The following LIN28B variants were observed in gnomAD, a reference collection of about 807,000 sequenced individuals.
LIN28B encodes the protein protein lin-28 homolog B.
A neutral mutation model predicts 21.9 loss-of-function variants in LIN28B; 5 were observed. That is an observed-to-expected ratio of 0.23 (90% CI 0.12 to 0.48). The LOEUF (loss-of-function observed/expected upper bound fraction) is 0.48, where lower values mean the gene tolerates loss of function less well. Ranked by LOEUF, LIN28B falls within the 20% of genes least tolerant of loss-of-function variation. LIN28B has a pLI of 0.98. For missense variants in LIN28B, 245 were observed against 310.5 expected (o/e 0.79, Z 1.58); for synonymous variants, 109 against 111.3 (o/e 0.98, Z 0.13).
At chr6:105,068,249 A>G (rs1231732882) in intron 3 of LIN28B, among the ~76,000 whole-genome samples, 1 of 152,204 alleles carries the variant, frequency 6.6e-6, no homozygotes, top group Non-Finnish European at 1.5e-5. Flanking sequence ...CATACCTTTC[A>G]TTGGCATCTA....
Position 104,957,117 on chromosome 6 carries a change from A to G in LIN28B, c.-134A>G, listed in dbSNP as rs1778300716. 1.3e-6 allele frequency: 2 copies of G among 1,586,432 alleles called. No individual in the cohort carries two copies. Among genetic ancestry groups the G allele is most frequent in the East Asian group, 2.3e-5 (1 of 43,606 alleles). On this transcript the variant is annotated 5_prime_UTR_variant, in exon 1 of 4. Coordinates refer to ENST00000345080, the MANE Select transcript of LIN28B (RefSeq NM_001004317.4). ...AGGAGAGAAAAAAATCAAAAGAAGG[A>G]AAGCACATTAGACCATGCGAGCTAA...
chr6:104,966,898 G>A (rs1479706966), intron 2 of LIN28B, among the ~76,000 whole-genome samples: 4 of 152,120 alleles, frequency 2.6e-5, no homozygotes, highest in African/African-American at 9.7e-5. Context: ...TGGGATTACA[G>A]GCGTGAGCCA....
At chr6:104,961,187 TATTTTTA>T in intron 2 of LIN28B, among the ~76,000 whole-genome samples, 1 of 152,330 alleles carries the variant, frequency 6.6e-6, no homozygotes, top group African/African-American at 2.4e-5. Context: ...ATGAATATTT[TATTTTTA>T]AAAAATTAAC....
At chr6:105,011,982 A>AC (rs1435531857) in intron 2 of LIN28B, among the ~76,000 whole-genome samples, 2 of 152,016 alleles carry the variant, frequency 1.3e-5, no homozygotes, top group Non-Finnish European at 2.9e-5. Flanking sequence ...ACATGGTGAA[A>AC]CCCCATCTCT....
chr6:105,009,520 T>C (rs1770880800), intron 2 of LIN28B, among the ~76,000 whole-genome samples: 1 of 152,150 alleles, frequency 6.6e-6, no homozygotes, highest in Non-Finnish European at 1.5e-5. Context: ...ATTTTCCTAT[T>C]ACCTGTACAG....
At chr6:105,071,746 G>A (rs1772338031) in intron 3 of LIN28B, among the ~76,000 whole-genome samples, 1 of 152,106 alleles carries the variant, frequency 6.6e-6, no homozygotes, top group Non-Finnish European at 1.5e-5. Context: ...ACTGCAGTGT[G>A]ATTTAATGGG....
chr6:105,064,642 T>G (rs1395187714), intron 3 of LIN28B, among the ~76,000 whole-genome samples: 1 of 152,208 alleles, frequency 6.6e-6, no homozygotes, highest in Non-Finnish European at 1.5e-5. Flanking sequence ...CTATTGTATT[T>G]TTAAATGTTT....
rs1363456262 is a variant in LIN28B at position 105,078,950 on chromosome 6, G to A, written c.*167G>A. ...ATCACTCTAAGCAAATTACATTTGA[G>A]CAGGGTGTCATGTTTTATGTTAATT... On this transcript the variant is annotated 3_prime_UTR_variant, in exon 4 of 4. Coordinates refer to ENST00000345080, the MANE Select transcript of LIN28B (RefSeq NM_001004317.4). 1.2e-5 allele frequency: 8 copies of A among 690,220 alleles called. No homozygotes were observed. Among genetic ancestry groups the A allele is most frequent in the Non-Finnish European group, 1.9e-5 (8 of 422,000 alleles). 42.8% of individuals were successfully genotyped at this position (690,220 alleles called of 1,614,324 possible). A position where few individuals can be genotyped will look rare whatever the true frequency, so the allele number is the denominator to read the frequency against.
chr6:104,942,565 G>A (rs962750229), intron 2 of LIN28B, among the ~76,000 whole-genome samples: 16 of 151,974 alleles, frequency 1.1e-4, no homozygotes, highest in African/African-American at 3.9e-4. Flanking sequence ...TTTTATAGAG[G>A]AGTCATATGA....
chr6:105,024,912 C>G (rs944194167), intron 2 of LIN28B, among the ~76,000 whole-genome samples: 1 of 152,074 alleles, frequency 6.6e-6, no homozygotes, highest in African/African-American at 2.4e-5. Context: ...GCTCTGGGAT[C>G]AATTAGGTCA....
chr6:104,949,078 A>T (rs1020578389), intron 2 of LIN28B, among the ~76,000 whole-genome samples: 20 of 152,040 alleles, frequency 1.3e-4, no homozygotes, highest in African/African-American at 3.4e-4. Context: ...GTATTTACAC[A>T]TCTTTAAAAT....
chr6:104,957,360 T>A, intron 1 of LIN28B, 100 bp downstream of exon 1: 1 of 574,252 alleles, frequency 1.7e-6, no homozygotes, highest in Non-Finnish European at 2.8e-6. Context: ...CCCTTCCCCT[T>A]TTACCCCAAT....
At chr6:105,026,202 G>C (rs1430482431) in intron 2 of LIN28B, 96 bp from the exon 3 acceptor site, 4 of 621,542 alleles carry the variant, frequency 6.4e-6, no homozygotes, top group African/African-American at 5.7e-5. Flanking sequence ...ATGCATGACA[G>C]AGTATCTTTC....
At position 105,079,060 on chromosome 6, in the gene LIN28B, A is replaced by C. The variant is rs905023234; in HGVS notation, c.*277A>C. The stretch of plus-strand genomic sequence containing the variant: ...TCTGTGTGTGTACATGAGGATTTTT[A>C]TATAGGAATGTAGACACATATATAA... On this transcript the variant is annotated 3_prime_UTR_variant, in exon 4 of 4. Coordinates refer to ENST00000345080, the MANE Select transcript of LIN28B (RefSeq NM_001004317.4). The C allele has an allele frequency of 9.0e-6, 3 of 334,402 alleles. No individual in the cohort carries two copies. Among genetic ancestry groups the C allele is most frequent in the Admixed American group, 4.4e-5 (1 of 22,836 alleles). The allele number at this position is 334,402 out of a possible 1,614,324, so 20.7% of individuals were successfully genotyped here.
intron 2 of LIN28B, among the ~76,000 whole-genome samples, chr6:104,964,303 C>T (rs1336169223): frequency 1.3e-5 from 2 of 152,202 alleles, no homozygotes; most frequent in African/African-American, 4.8e-5. Context: ...GCTGTGACTA[C>T]AGGCATGCAC....
intron 3 of LIN28B, among the ~76,000 whole-genome samples, chr6:105,046,976 A>T (rs1473531900): frequency 1.3e-5 from 2 of 151,782 alleles, no homozygotes; most frequent in African/African-American, 4.8e-5. Flanking sequence ...TTGCCTGTTC[A>T]CTCTGATGGT....
At chr6:105,059,778 A>G (rs764664665) in intron 3 of LIN28B, among the ~76,000 whole-genome samples, 8 of 152,126 alleles carry the variant, frequency 5.3e-5, no homozygotes, top group Non-Finnish European at 7.4e-5. Flanking sequence ...TGCATTTGAC[A>G]CTAGTCATTT....
At chr6:104,976,179 AG>A (rs1582874289) in intron 2 of LIN28B, among the ~76,000 whole-genome samples, 1 of 152,194 alleles carries the variant, frequency 6.6e-6, no homozygotes, top group African/African-American at 2.4e-5. Context: ...AAAAGCAGAG[AG>A]GGTTTCTGAC....
At chr6:104,996,408 T>G (rs1770603792) in intron 2 of LIN28B, among the ~76,000 whole-genome samples, 1 of 152,190 alleles carries the variant, frequency 6.6e-6, no homozygotes, top group South Asian at 2.1e-4. Context: ...TCTCTGAAAT[T>G]GTTTATGTTC....
Sources: gnomAD v4.1 joint callset for allele counts (sites outside exome capture counted in the v4.1 genomes callset) on GRCh38, gnomAD v4.1.1 for gene constraint, MANE v1.5 for transcripts, NCBI Gene and HGNC (gene_info 2026-07-23, HGNC 2026-07-21) for gene names.